The following MYCBP2 variants were observed in gnomAD, a reference collection of about 807,000 sequenced individuals.
MYCBP2 encodes the protein E3 ubiquitin-protein ligase MYCBP2.
A neutral mutation model predicts 525.3 loss-of-function variants in MYCBP2; 120 were observed. The ratio of observed to expected loss-of-function variants is 0.23; its 90% CI spans 0.20 to 0.27. The LOEUF (loss-of-function observed/expected upper bound fraction) is 0.27, where lower values mean the gene tolerates loss of function less well. Ranked by LOEUF, MYCBP2 falls within the 10% of genes least tolerant of loss-of-function variation. The probability of loss-of-function intolerance (pLI) is 1.00; values close to 1 mark genes in which losing one functional copy is unlikely to be tolerated. For synonymous variants in MYCBP2, 1,894 were observed against 1,955.8 expected (o/e 0.97, Z 0.83); for missense variants, 4,149 against 5,657.1 (o/e 0.73, Z 8.55).
chr13:77,130,797 T>C (rs1034540550), intron 52 of MYCBP2, among the ~76,000 whole-genome samples: 1 of 152,162 alleles, frequency 6.6e-6, no homozygotes, highest in Non-Finnish European at 1.5e-5. Context: ...TTTTAGCGTA[T>C]TCTATTTTTT....
At chr13:77,060,604 T>G (rs1376857407) in intron 76 of MYCBP2, among the ~76,000 whole-genome samples, 1 of 152,220 alleles carries the variant, frequency 6.6e-6, no homozygotes, top group Non-Finnish European at 1.5e-5. Context: ...AAACTATGTT[T>G]TAGAGATAAA....
intron 1 of MYCBP2, among the ~76,000 whole-genome samples, chr13:77,308,128 C>T (rs1279639838): frequency 6.6e-6 from 1 of 152,180 alleles, no homozygotes; most frequent in Non-Finnish European, 1.5e-5. Flanking sequence ...TATCAAGGTA[C>T]ATCTACCATA....
chr13:77,124,755 T>C (rs1055874535), intron 54 of MYCBP2, among the ~76,000 whole-genome samples: 1 of 152,198 alleles, frequency 6.6e-6, no homozygotes, highest in Non-Finnish European at 1.5e-5. Context: ...CAAGTGATAA[T>C]GTGGTCTCAA....
Position 77,294,107 on chromosome 13 carries a change from T to TATAC in MYCBP2, c.378+2491_378+2492insGTAT, listed in dbSNP as rs1555465504. Among the ~76,000 whole-genome samples, 32 of 43,902 alleles carry TATAC rather than the reference T, an allele frequency of 7.3e-4. 2 individuals are homozygous for TATAC. The highest frequency in any genetic ancestry group is 1.8e-3 in the East Asian group (3 of 1,700). The allele number at this position is 43,902 out of a possible 152,430, so 28.8% of individuals were successfully genotyped here. A position where few individuals can be genotyped will look rare whatever the true frequency, so the allele number is the denominator to read the frequency against. ...AGCCATAAAGTAGATATAATGGCTA[T>TATAC]ATATATATATATATATATATATACA... On this transcript the variant is annotated intron_variant, in intron 2 of 82. Coordinates refer to ENST00000544440, the MANE Select transcript of MYCBP2 (RefSeq NM_015057.5).
Position 77,095,599 on chromosome 13 carries a change from T to C in MYCBP2, c.9958A>G (p.Lys3320Glu), listed in dbSNP as rs1287646642. The stretch of plus-strand genomic sequence containing the variant: ...TGCATTGGTTTTCTCCTAGATTGTT[T>C]GACCTGGCGAAGAAAAAAATCAAAC... ...EKQAAAREKV[K>E]QSRRKPMQVK... is the part of the protein sequence containing the mutation. The change falls in exon 58 of 83, where the codon AAA (lysine) becomes GAA (glutamate). Residue 3320 changes from lysine (K) to glutamate (E), a missense_variant. Transcript: ENST00000544440. The C allele has an allele frequency of 6.2e-7, 1 of 1,609,966 alleles. No individual in the cohort carries two copies. Among genetic ancestry groups the C allele is most frequent in the Admixed American group, 1.7e-5 (1 of 59,688 alleles).
chr13:77,303,865 G>T (rs1265694578), intron 1 of MYCBP2, among the ~76,000 whole-genome samples: 1 of 151,870 alleles, frequency 6.6e-6, no homozygotes, highest in East Asian at 1.9e-4. Flanking sequence ...TAGTAGAAAG[G>T]AAATAAAAAT....
chr13:77,314,277 A>G (rs534822223), intron 1 of MYCBP2, among the ~76,000 whole-genome samples: 1 of 152,350 alleles, frequency 6.6e-6, no homozygotes, highest in South Asian at 2.1e-4. Context: ...ATTTCTAAAA[A>G]AGAAAATGTA....
intron 2 of MYCBP2, among the ~76,000 whole-genome samples, chr13:77,294,111 T>TATATATATATATAC (rs2077815581): frequency 1.8e-5 from 1 of 54,470 alleles, no homozygotes; most frequent in Non-Finnish European, 4.8e-5. Context: ...TGGCTATATA[T>TATATATATATATAC]ATATATATAT....
intron 14 of MYCBP2, among the ~76,000 whole-genome samples, chr13:77,256,586 T>C (rs902053938): frequency 6.6e-6 from 1 of 152,094 alleles, no homozygotes; most frequent in African/African-American, 2.4e-5. Context: ...ATAGACATTT[T>C]TCAAAAGTAG....
chr13:77,316,705 C>G (rs1594876311), intron 1 of MYCBP2, among the ~76,000 whole-genome samples: 1 of 152,220 alleles, frequency 6.6e-6, no homozygotes, highest in African/African-American at 2.4e-5. Context: ...CTCTTCTCTA[C>G]TAGCCATTCT....
At chr13:77,151,258 A>G (rs139951153) in intron 46 of MYCBP2, among the ~76,000 whole-genome samples, 188 of 152,368 alleles carry the variant, frequency 1.2e-3, no homozygotes, top group Non-Finnish European at 2.2e-3. Context: ...ATGAATCTAC[A>G]TTAAGTTATT....
In MYCBP2 at chr13:77,174,391, T is replaced by C. The variant is rs1161905582; in HGVS notation, c.5571A>G (p.Thr1857=). 4 of 1,614,096 alleles carry C rather than the reference T, an allele frequency of 2.5e-6. No individual in the cohort carries two copies. The African/African-American group carries it at 5.3e-5, about 22-fold the overall frequency. The change falls in exon 37 of 83, where the codon ACA becomes ACG. Residue 1857 remains threonine, a synonymous_variant. Coordinates refer to ENST00000544440, the MANE Select transcript of MYCBP2 (RefSeq NM_015057.5). The stretch of plus-strand genomic sequence containing the variant: ...TCAAGCTGCACGTGCTGAATGTGAA[T>C]GTCACACCATCAGGGCACTGAACTG... ...MTTVQCPDGV[T]FTFSTCSLSS...
intron 62 of MYCBP2, 124 bp from the exon 63 acceptor site, chr13:77,083,316 G>T: frequency 2.5e-6 from 2 of 808,378 alleles, no homozygotes; most frequent in Non-Finnish European, 3.7e-6. Context: ...AAACCAAATT[G>T]TACCCAGAAA....
At chr13:77,196,379 C>A (rs374320270) in intron 26 of MYCBP2, among the ~76,000 whole-genome samples, 1 of 152,096 alleles carries the variant, frequency 6.6e-6, no homozygotes, top group East Asian at 1.9e-4. Flanking sequence ...GACAATGATG[C>A]AATCTGTTGT....
At chr13:77,192,596 A>T (rs1215226824) in intron 27 of MYCBP2, among the ~76,000 whole-genome samples, 1 of 152,182 alleles carries the variant, frequency 6.6e-6, no homozygotes, top group East Asian at 1.9e-4. Flanking sequence ...AGAGGTATGG[A>T]AGTACAAAAG....
intron 43 of MYCBP2, among the ~76,000 whole-genome samples, chr13:77,163,966 C>T (rs2058242305): frequency 6.6e-6 from 1 of 152,162 alleles, no homozygotes; most frequent in African/African-American, 2.4e-5. Context: ...TTTGATAAGT[C>T]ACAGCTTTAA....
chr13:77,314,308 C>T (rs1475502473), intron 1 of MYCBP2, among the ~76,000 whole-genome samples: 1 of 152,166 alleles, frequency 6.6e-6, no homozygotes, highest in Non-Finnish European at 1.5e-5. Flanking sequence ...AAAACCTGCA[C>T]ACAGATGTTT....
At position 77,269,982 on chromosome 13, in the gene MYCBP2, A is replaced by T; in HGVS notation, c.1260+10T>A. On this transcript the variant is annotated intron_variant, in intron 7 of 82. Coordinates refer to ENST00000544440, the MANE Select transcript of MYCBP2 (RefSeq NM_015057.5). ...AAGAAAATTTTGGTTTATTGTGGAT[A>T]GTTTCTTACCTGAGCATACCCTAAC... 6.2e-7 allele frequency: 1 copy of T among 1,601,000 alleles called. No homozygotes were observed. The highest frequency in any genetic ancestry group is 1.1e-5 in the South Asian group (1 of 87,686).
chr13:77,118,369 G>A (rs761925967), intron 55 of MYCBP2: 104 of 762,696 alleles, frequency 1.4e-4, no homozygotes, highest in Admixed American at 2.4e-4. Context: ...GAAGGAAAGG[G>A]GCTGTCCGAA....
Sources: gnomAD v4.1 joint callset for allele counts (sites outside exome capture counted in the v4.1 genomes callset) on GRCh38, gnomAD v4.1.1 for gene constraint, MANE v1.5 for transcripts, NCBI Gene and HGNC (gene_info 2026-07-23, HGNC 2026-07-21) for gene names.